The following STAC variants were observed in gnomAD, a reference collection of about 807,000 sequenced individuals.
STAC encodes SH3 and cysteine rich domain.
In STAC, 43 loss-of-function variants were observed where a neutral mutation model predicts 48.8. The observed-to-expected ratio is 0.88, with a 90% confidence interval of 0.69 to 1.14. The LOEUF is 1.14. STAC is among the 50% of genes most tolerant of loss of function. The pLI, the probability that STAC is intolerant of heterozygous loss-of-function variation, is 0.00. For synonymous variants in STAC, 193 were observed against 179.5 expected, an observed-to-expected ratio of 1.07 and a Z score of -0.60; for missense variants, 497 against 504.0, an observed-to-expected ratio of 0.99 and a Z score of 0.13.
rs147604937 is a variant in STAC at position 36,412,989 on chromosome 3, G to A, written c.112-30375G>A. On this transcript the variant is annotated intron_variant, in intron 1 of 10. Transcript: ENST00000273183. ...TTTCCATGTAGTTGAGCAGTTTTGAGTGAGTTTCTTAATCCTGAGTTCTAG... is the reference window on the plus strand; with the variant it reads ...TTTCCATGTAGTTGAGCAGTTTTGAATGAGTTTCTTAATCCTGAGTTCTAG... 9.2e-3 allele frequency among the ~76,000 whole-genome samples: 1,394 copies of A among 152,266 alleles called. 21 individuals carry two copies. Among genetic ancestry groups the A allele is most frequent in the African/African-American group, 0.032 (1,323 of 41,560 alleles).
chr3:36,428,679 G>T (rs1433728647), intron 1 of STAC, among the ~76,000 whole-genome samples: 2 of 152,170 alleles, frequency 1.3e-5, no homozygotes, highest in Non-Finnish European at 2.9e-5. Context: ...CAGGAAGTCA[G>T]AACAACAGGG....
intron 1 of STAC, among the ~76,000 whole-genome samples, chr3:36,440,014 G>A (rs186977676): frequency 6.6e-6 from 1 of 152,350 alleles, no homozygotes; most frequent in African/African-American, 2.4e-5. Flanking sequence ...AGGGACAAAA[G>A]TCTTAGCTGG....
intron 10 of STAC, among the ~76,000 whole-genome samples, chr3:36,543,403 A>G (rs1250713445): frequency 6.6e-6 from 1 of 152,110 alleles, no homozygotes; most frequent in African/African-American, 2.4e-5. Flanking sequence ...CATCTTCAAA[A>G]CTTCTCATCC....
chr3:36,481,784 T>C (rs918448193), intron 2 of STAC, among the ~76,000 whole-genome samples: 5 of 152,210 alleles, frequency 3.3e-5, no homozygotes, highest in Non-Finnish European at 7.3e-5. Flanking sequence ...ACAGGACCCC[T>C]GGCCACCCAC....
chr3:36,500,828 CA>C (rs1698265551), intron 6 of STAC, among the ~76,000 whole-genome samples: 1 of 152,160 alleles, frequency 6.6e-6, no homozygotes, highest in African/African-American at 2.4e-5. Context: ...TGGTGGCTCA[CA>C]CCTATAATCC....
At chr3:36,412,493 T>A (rs940060868) in intron 1 of STAC, among the ~76,000 whole-genome samples, 1 of 151,196 alleles carries the variant, frequency 6.6e-6, no homozygotes, top group Non-Finnish European at 1.5e-5. Flanking sequence ...ACTAAAAGAG[T>A]CTGCAGTGGG....
chr3:36,400,163 T>A (rs1699972197), intron 1 of STAC, among the ~76,000 whole-genome samples: 1 of 152,214 alleles, frequency 6.6e-6, no homozygotes, highest in Non-Finnish European at 1.5e-5. Flanking sequence ...TAGTTCGTTG[T>A]CAAATTCAGG....
intron 2 of STAC, among the ~76,000 whole-genome samples, chr3:36,460,652 CAAAG>C (rs138034554): frequency 0.13 from 19,976 of 152,034 alleles, 1,402 homozygotes; most frequent in Non-Finnish European, 0.16. Flanking sequence ...ATACACAGAA[CAAAG>C]AATTACCAGG....
rs1575238134 is a variant in STAC at position 36,493,202 on chromosome 3, T to C, written c.739T>C (p.Tyr247His). 1 of 1,613,456 alleles carries C rather than the reference T, an allele frequency of 6.2e-7. No homozygotes were observed. Among genetic ancestry groups the C allele is most frequent in the Non-Finnish European group, 8.5e-7 (1 of 1,179,642 alleles). Residue 247 changes from tyrosine (Y) to histidine (H), a missense_variant, in exon 6 of 11, where the codon TAT becomes CAT. Tyr to His is a moderately conservative substitution (Grantham distance 83, BLOSUM62 2). Transcript: ENST00000273183. ...PEEANGPGGG[Y>H]DLRKRSNSVF... Reference sequence around the variant, plus strand: ...GGAAGCCAATGGGCCAGGAGGCGGGTATGACCTAAGGAAACGCAGCAACAG... The same window carrying C: ...GGAAGCCAATGGGCCAGGAGGCGGGCATGACCTAAGGAAACGCAGCAACAG...
intron 5 of STAC, 23 bp downstream of exon 5, chr3:36,486,272 G>T: frequency 6.2e-7 from 1 of 1,604,282 alleles, no homozygotes. Flanking sequence ...TTCCTTCCTC[G>T]GTTTGTCTGT....
chr3:36,380,718 G>C lies in STAC; in HGVS notation c.75G>C (p.Pro25=), dbSNP rs771765564. 2 of 1,611,838 alleles carry C rather than the reference G, an allele frequency of 1.2e-6. No individual in the cohort carries two copies. Among genetic ancestry groups the C allele is most frequent in the Non-Finnish European group, 1.7e-6 (2 of 1,179,200 alleles). Residue 25 remains proline (P), a synonymous_variant, in exon 1 of 11, where the codon CCG becomes CCC. Coordinates refer to ENST00000273183, the MANE Select transcript of STAC (RefSeq NM_003149.3). ...AGGAGGCGGTGGGCGCCGAGCAACC[G>C]CCCTCTCCTGCATCCACCAGCAGCC... ...LPKEAVGAEQ[P]PSPASTSSQE...
intron 8 of STAC, among the ~76,000 whole-genome samples, chr3:36,516,620 A>G (rs1354593804): frequency 6.6e-6 from 1 of 152,158 alleles, no homozygotes; most frequent in Non-Finnish European, 1.5e-5. Context: ...TTCCACCATC[A>G]AGGGCAGAGA....
chr3:36,464,088 C>A (rs577207661), intron 2 of STAC, among the ~76,000 whole-genome samples: 2 of 152,118 alleles, frequency 1.3e-5, no homozygotes, highest in African/African-American at 4.8e-5. Flanking sequence ...CCTGAGGAAT[C>A]GCCACACTGA....
chr3:36,522,161 G>A lies in STAC; in HGVS notation c.921-6535G>A, dbSNP rs183587444. 3.2e-3 allele frequency among the ~76,000 whole-genome samples: 493 copies of A among 152,210 alleles called. 2 individuals carry two copies. Among genetic ancestry groups the A allele is most frequent in the Admixed American group, 4.8e-3 (74 of 15,292 alleles). ...ATAATTTATCATGCATAATATATAA[G>A]TATATAAATATAATTGAGATAGCCA... On this transcript the variant is annotated intron_variant, in intron 8 of 10. Coordinates refer to ENST00000273183, the MANE Select transcript of STAC (RefSeq NM_003149.3).
At chr3:36,522,200 C>A (rs1575259691) in intron 8 of STAC, among the ~76,000 whole-genome samples, 1 of 152,074 alleles carries the variant, frequency 6.6e-6, no homozygotes, top group East Asian at 1.9e-4. Flanking sequence ...CTCAAAGAGA[C>A]ATGTATTTGG....
chr3:36,402,463 G>C (rs925077263), intron 1 of STAC, among the ~76,000 whole-genome samples: 5 of 151,962 alleles, frequency 3.3e-5, no homozygotes, highest in African/African-American at 1.2e-4. Flanking sequence ...AAGAAGCCTT[G>C]GTTTTGTGCC....
chr3:36,430,981 T>C (rs1377959180), intron 1 of STAC, among the ~76,000 whole-genome samples: 1 of 152,118 alleles, frequency 6.6e-6, no homozygotes, highest in Non-Finnish European at 1.5e-5. Context: ...ACATAAGAAT[T>C]TGAGGAGGGA....
intron 2 of STAC, among the ~76,000 whole-genome samples, chr3:36,449,710 A>T (rs1696626715): frequency 6.6e-6 from 1 of 152,230 alleles, no homozygotes; most frequent in Non-Finnish European, 1.5e-5. Context: ...TTGAGCAAAA[A>T]TTGATGCTGG....
chr3:36,394,083 A>C (rs1183302432), intron 1 of STAC, among the ~76,000 whole-genome samples: 3 of 152,070 alleles, frequency 2.0e-5, no homozygotes, highest in South Asian at 4.2e-4. Flanking sequence ...CAACAGGAAA[A>C]ATAACAGGAG....
Sources: gnomAD v4.1 joint callset for allele counts (sites outside exome capture counted in the v4.1 genomes callset) on GRCh38, gnomAD v4.1.1 for gene constraint, MANE v1.5 for transcripts, NCBI Gene and HGNC (gene_info 2026-07-23, HGNC 2026-07-21) for gene names.